COL4A5: variants seen among roughly 807,000 people sequenced by gnomAD.
COL4A5 encodes the protein collagen type IV alpha 5 chain.
Under a neutral mutation model 130.2 loss-of-function variants are expected in COL4A5, and 26 were observed. That is an observed-to-expected ratio of 0.20 (90% CI 0.15 to 0.28). COL4A5 has a LOEUF of 0.28. Ranked by LOEUF, COL4A5 falls within the 10% of genes least tolerant of loss-of-function variation. COL4A5 has a pLI of 1.00. For missense variants in COL4A5, 1,131 were observed against 1,344.3 expected, an observed-to-expected ratio of 0.84 and a Z score of 2.48; for synonymous variants, 496 against 439.6, an observed-to-expected ratio of 1.13 and a Z score of -1.60.
intron 1 of COL4A5, among the ~76,000 whole-genome samples, chrX:108,483,586 T>C (rs1257042818): frequency 8.9e-6 from 1 of 112,008 alleles, no homozygotes; most frequent in Non-Finnish European, 1.9e-5. Context: ...CTTTGTATCC[T>C]TCAATCCAAT....
At chrX:108,647,857 G>C (rs773311676) in intron 36 of COL4A5, among the ~76,000 whole-genome samples, 1 of 111,488 alleles carries the variant, frequency 9.0e-6, no homozygotes, top group Non-Finnish European at 1.9e-5. Flanking sequence ...TTTTGTCTTT[G>C]GTTCTGTTTA....
At chrX:108,647,210 T>A (rs978313412) in intron 36 of COL4A5, among the ~76,000 whole-genome samples, 2 of 111,537 alleles carry the variant, frequency 1.8e-5, no homozygotes, top group African/African-American at 6.6e-5. Context: ...TTCCTACCCA[T>A]GAGCATGGAA....
At chrX:108,507,019 C>G (rs1364197406) in intron 1 of COL4A5, among the ~76,000 whole-genome samples, 2 of 110,134 alleles carry the variant, frequency 1.8e-5, no homozygotes, top group Non-Finnish European at 3.8e-5. Context: ...CTGAACAAAC[C>G]AATAACAAGC....
chrX:108,468,147 C>A (rs749695949), intron 1 of COL4A5, among the ~76,000 whole-genome samples: 1 of 111,647 alleles, frequency 9.0e-6, no homozygotes, highest in Non-Finnish European at 1.9e-5. Context: ...GTTTAGACTG[C>A]GTTTTTACTG....
chrX:108,620,009 T>G lies in COL4A5; in HGVS notation c.2510-250T>G, dbSNP rs371538077. ...TTTATAAAAAATATTAGTCTGTGAT[T>G]AACTAGGAATTAAGAAAAGATTGGC... On this transcript the variant is annotated intron_variant, in intron 30 of 52. Transcript: ENST00000328300. 3.6e-5 allele frequency among the ~76,000 whole-genome samples: 4 copies of G among 112,407 alleles called. No homozygotes were observed. The East Asian group carries it at 1.1e-3, about 31-fold the overall frequency.
chrX:108,597,158 A>G (rs990443461), intron 23 of COL4A5, 90 bp downstream of exon 23: 2 of 843,821 alleles, frequency 2.4e-6, no homozygotes, highest in Non-Finnish European at 3.4e-6. Flanking sequence ...ATACACACAT[A>G]TACAATTTAA....
At chrX:108,622,023 A>G (rs1422079542) in intron 32 of COL4A5, 131 bp downstream of exon 32, 11 of 525,295 alleles carry the variant, frequency 2.1e-5, no homozygotes, top group Non-Finnish European at 3.7e-5. Context: ...GTAACATGGC[A>G]TTTAAATAGG....
chrX:108,639,176 C>A (rs971168391), intron 36 of COL4A5, among the ~76,000 whole-genome samples: 1 of 110,923 alleles, frequency 9.0e-6, no homozygotes, highest in Non-Finnish European at 1.9e-5. Flanking sequence ...GTAATCAAAG[C>A]GGTGTGGTGC....
intron 29 of COL4A5, among the ~76,000 whole-genome samples, chrX:108,610,019 A>G (rs1188130100): frequency 1.9e-5 from 2 of 107,209 alleles, no homozygotes; most frequent in Non-Finnish European, 3.8e-5. Flanking sequence ...CTTTGCCTTT[A>G]CTCTCAGAGT....
intron 2 of COL4A5, among the ~76,000 whole-genome samples, chrX:108,547,751 C>T (rs2065684328): frequency 8.9e-6 from 1 of 111,937 alleles, no homozygotes; most frequent in Non-Finnish European, 1.9e-5. Flanking sequence ...GTGCGGTGGG[C>T]TCCACCCAGT....
intron 1 of COL4A5, among the ~76,000 whole-genome samples, chrX:108,495,625 T>A (rs1309073760): frequency 9.0e-6 from 1 of 111,690 alleles, no homozygotes. Flanking sequence ...AGAAGAGATG[T>A]GTGAATAGAC....
chrX:108,526,661 T>TTTCTTTC (rs1447031182), intron 1 of COL4A5, among the ~76,000 whole-genome samples: 26 of 47,272 alleles, frequency 5.5e-4, no homozygotes, highest in East Asian at 7.5e-4. Context: ...TCTTTCTTTC[T>TTTCTTTC]TCTTTCTTTC....
At chrX:108,647,767 A>T (rs765682005) in intron 36 of COL4A5, among the ~76,000 whole-genome samples, 1 of 111,610 alleles carries the variant, frequency 9.0e-6, no homozygotes, top group South Asian at 3.8e-4. Flanking sequence ...TCAATACCTA[A>T]TTTATTGAGA....
chrX:108,687,991 C>T (rs1417665936), intron 49 of COL4A5, among the ~76,000 whole-genome samples: 4 of 112,054 alleles, frequency 3.6e-5, no homozygotes, highest in Non-Finnish European at 7.5e-5. Context: ...GGAACAGTTT[C>T]CCTGGGCTCT....
At chrX:108,617,520 G>A (rs1038256019) in intron 30 of COL4A5, among the ~76,000 whole-genome samples, 1 of 111,171 alleles carries the variant, frequency 9.0e-6, no homozygotes, top group Admixed American at 9.6e-5. Flanking sequence ...AGTTTAACAC[G>A]GTTATAAGAT....
rs1375802309 is a variant in COL4A5 at position 108,514,246 on chromosome X, T to G, written c.82-25500T>G. 2.7e-5 allele frequency among the ~76,000 whole-genome samples: 3 copies of G among 112,432 alleles called. No homozygotes were observed. In the East Asian group the frequency reaches 8.3e-4, roughly 31 times the overall value. On this transcript the variant is annotated intron_variant, in intron 1 of 52. Coordinates refer to ENST00000328300, the MANE Select transcript of COL4A5 (RefSeq NM_033380.3). Reference sequence around the variant, plus strand: ...TAAATTATAATCAATGCCTTCATCTTTATAATATGAATAATGATTCACTTG... The same window carrying G: ...TAAATTATAATCAATGCCTTCATCTGTATAATATGAATAATGATTCACTTG...
At chrX:108,472,106 T>G (rs2147509457) in intron 1 of COL4A5, among the ~76,000 whole-genome samples, 1 of 112,056 alleles carries the variant, frequency 8.9e-6, no homozygotes, top group East Asian at 2.8e-4. Flanking sequence ...TATTGGTTGT[T>G]TAAGGGCTAC....
chrX:108,656,637 A>G (rs1054282083), intron 37 of COL4A5, among the ~76,000 whole-genome samples: 4 of 111,694 alleles, frequency 3.6e-5, no homozygotes, highest in Non-Finnish European at 7.5e-5. Context: ...TGAAATATCC[A>G]GTTCTCCAAT....
At position 108,627,429 on chromosome X, in the gene COL4A5, T is replaced by C. The variant is rs1311543513; in HGVS notation, c.3246+1080T>C. 1.2e-5 allele frequency: 9 copies of C among 737,449 alleles called. No homozygotes were observed. In the African/African-American group the frequency reaches 1.6e-4, roughly 13 times the overall value. 60.8% of individuals were successfully genotyped at this position (737,449 alleles called of 1,213,427 possible). On this transcript the variant is annotated intron_variant, in intron 36 of 52. Transcript: ENST00000328300. ...TGGGGTTTTTTCTACACATTGTGTA[T>C]ATGTAGAATCATGGTATGCATGCTA...
Sources: gnomAD v4.1 joint callset for allele counts (sites outside exome capture counted in the v4.1 genomes callset) on GRCh38, gnomAD v4.1.1 for gene constraint, MANE v1.5 for transcripts, NCBI Gene and HGNC (gene_info 2026-07-23, HGNC 2026-07-21) for gene names.